Variants in IDS observed in about 807,000 individuals in gnomAD.
The protein encoded by IDS is iduronate 2-sulfatase, also known as alpha-L-iduronate sulfate sulfatase.
Under a neutral mutation model 33.5 loss-of-function variants are expected in IDS, and 1 was observed. The observed-to-expected ratio is 0.03, with a 90% confidence interval of 0.01 to 0.14. The LOEUF is 0.14. IDS is among the 10% of genes least tolerant of loss of function. IDS has a pLI of 1.00. For missense variants in IDS, 328 were observed against 448.0 expected (o/e 0.73, Z 2.42); for synonymous variants, 191 against 184.4 (o/e 1.04, Z -0.29).
In IDS at chrX:149,482,682, C is replaced by G. The variant is rs2089302064; in HGVS notation, c.*64G>C. The stretch of plus-strand genomic sequence containing the variant: ...ATGGGTAATCACAAAACGACCAGCT[C>G]TAACTCCTCCTCTCACCAGCTGGAA... On this transcript the variant is annotated 3_prime_UTR_variant, in exon 9 of 9. Transcript: ENST00000340855. The G allele has an allele frequency of 8.3e-7, 1 of 1,205,657 alleles. No homozygotes were observed. The highest frequency in any genetic ancestry group is 1.1e-6 in the Non-Finnish European group (1 of 893,382).
intron 6 of IDS, among the ~76,000 whole-genome samples, chrX:149,493,979 G>A (rs1557339034): frequency 9.0e-6 from 1 of 111,461 alleles, no homozygotes. Flanking sequence ...GGCCTGGAGG[G>A]GAGCAGTGAA....
intron 7 of IDS, 103 bp downstream of exon 7, chrX:149,490,210 CA>C (rs1300958643): frequency 1.2e-6 from 1 of 858,278 alleles, no homozygotes; most frequent in African/African-American, 2.1e-5. Context: ...CACTGGTTCA[CA>C]AAAGAGAACA....
chrX:149,504,222 C>A lies in IDS; in HGVS notation c.175G>T (p.Val59Leu). 8.3e-7 allele frequency: 1 copy of A among 1,207,617 alleles called. No individual in the cohort carries two copies. Among genetic ancestry groups the A allele is most frequent in the Non-Finnish European group, 1.1e-6 (1 of 892,353 alleles). Reference sequence around the variant, plus strand: ...AGTTGGTCAATATTTGGGGACCTCACCAGCTTATCCCCATAACAGCCCAGG... The same window carrying A: ...AGTTGGTCAATATTTGGGGACCTCAACAGCTTATCCCCATAACAGCCCAGG... ...PSLGCYGDKLVRSPNIDQLAS... is the reference protein window; with the variant it reads ...PSLGCYGDKLLRSPNIDQLAS... Residue 59 changes from valine to leucine, a missense_variant, in exon 2 of 9, where the codon GTG becomes TTG. By Grantham distance (32) the Val-to-Leu change is conservative (BLOSUM62 1). Coordinates refer to ENST00000340855, the MANE Select transcript of IDS (RefSeq NM_000202.8).
At chrX:149,488,528 C>A (rs1346770007) in intron 7 of IDS, among the ~76,000 whole-genome samples, 2 of 108,761 alleles carry the variant, frequency 1.8e-5, no homozygotes, top group Non-Finnish European at 1.9e-5. Context: ...GTACAGCAGC[C>A]AGGCGCTCTG....
intron 6 of IDS, among the ~76,000 whole-genome samples, chrX:149,493,047 G>A (rs5936189): frequency 0.3 from 33,078 of 110,964 alleles, 4,140 homozygotes; most frequent in Middle Eastern, 0.4. Flanking sequence ...GAAGCCTATG[G>A]AGCTGAGGTC....
intron 3 of IDS, 83 bp from the exon 4 acceptor site, chrX:149,501,120 G>A (rs2089477226): frequency 6.4e-6 from 4 of 629,815 alleles, no homozygotes; most frequent in Non-Finnish European, 1.0e-5. Flanking sequence ...TAAACAAATG[G>A]GCAAGTGGAA....
chrX:149,501,797 C>T (rs1557340016), intron 3 of IDS, among the ~76,000 whole-genome samples: 1 of 110,988 alleles, frequency 9.0e-6, no homozygotes, highest in Non-Finnish European at 1.9e-5. Flanking sequence ...AGTGGGACTC[C>T]CATAGGGAGT....
In IDS at chrX:149,482,429, G is replaced by A. The variant is rs189108448; in HGVS notation, c.*317C>T. On this transcript the variant is annotated 3_prime_UTR_variant, in exon 9 of 9. Transcript: ENST00000340855. ...ATGTTATGTTTGGTTATTATGTATG[G>A]TCTTCGTATCCAAAGGTATGACATA... 1.5e-4 allele frequency: 41 copies of A among 267,440 alleles called. No homozygotes were observed. The highest frequency in any genetic ancestry group is 9.4e-4 in the African/African-American group (34 of 36,014). The allele number at this position is 267,440 out of a possible 1,213,427, so 22.0% of individuals were successfully genotyped here.
chrX:149,498,173 C>T lies in IDS; in HGVS notation c.642G>A (p.Thr214=), dbSNP rs1738744298. 1.3e-5 allele frequency: 16 copies of T among 1,210,246 alleles called. No homozygotes were observed. Among genetic ancestry groups the T allele is most frequent in the South Asian group, 1.8e-5 (1 of 56,856 alleles). ...CGGCCAGGAAGAAAGGACTGGCTGA[C>T]GTTTTCATCTTTTCCAACAACTGTA... The part of the protein sequence containing the change: ...QAIQLLEKMK[T]SASPFFLAVG... Residue 214 remains threonine, a synonymous_variant, in exon 5 of 9, where the codon ACG becomes ACA. Coordinates refer to ENST00000340855, the MANE Select transcript of IDS (RefSeq NM_000202.8).
chrX:149,501,844 G>A (rs949927287), intron 3 of IDS, among the ~76,000 whole-genome samples: 9 of 111,688 alleles, frequency 8.1e-5, no homozygotes, highest in South Asian at 3.7e-4. Flanking sequence ...AGAGGGCAGC[G>A]GGTGGAGGGC....
intron 5 of IDS, among the ~76,000 whole-genome samples, chrX:149,496,955 G>C (rs945033962): frequency 2.7e-5 from 3 of 112,073 alleles, no homozygotes; most frequent in Non-Finnish European, 5.6e-5. Context: ...AAGAAAAAAG[G>C]CACATGAGGC....
intron 1 of IDS, 107 bp downstream of exon 1, chrX:149,504,928 G>A (rs1300227258): frequency 5.2e-6 from 3 of 573,615 alleles, no homozygotes; most frequent in Admixed American, 2.7e-5. Flanking sequence ...GTAGGAGAGA[G>A]GAAGGGTAAA....
rs2089278710 is a variant in IDS, at chrX:149,478,587, A to G, written c.*4159T>C. ...GCTAAATATGTCCATATCTGCATAT[A>G]TGTCTTTAGGCAGGTAAAAGAATGA... On this transcript the variant is annotated 3_prime_UTR_variant, in exon 9 of 9. Coordinates refer to ENST00000340855, the MANE Select transcript of IDS (RefSeq NM_000202.8). 1 of 112,828 alleles carries G rather than the reference A, an allele frequency of 8.9e-6. No individual in the cohort carries two copies. Among genetic ancestry groups the G allele is most frequent in the Non-Finnish European group, 1.9e-5 (1 of 53,398 alleles). 9.3% of individuals were successfully genotyped at this position (112,828 alleles called of 1,213,427 possible).
chrX:149,502,174 A>G (rs1557340078), intron 3 of IDS: 1 of 330,660 alleles, frequency 3.0e-6, no homozygotes, highest in Non-Finnish European at 5.9e-6. Context: ...TGTTCCCACA[A>G]GGGCTGCAGG....
intron 6 of IDS, among the ~76,000 whole-genome samples, chrX:149,492,728 C>A (rs1326472471): frequency 9.0e-6 from 1 of 110,636 alleles, no homozygotes; most frequent in Non-Finnish European, 1.9e-5. Context: ...GGTACTAGGC[C>A]ACTGCTGGGT....
At position 149,503,248 on chromosome X, in the gene IDS, A is replaced by T. The variant is rs781810319; in HGVS notation, c.418+64T>A. The T allele has an allele frequency of 9.3e-6, 11 of 1,179,503 alleles. No individual in the cohort carries two copies. The East Asian group carries it at 3.4e-4, about 37-fold the overall frequency. ...CTGCAAAGACAGCCCCATCCCCAGG[A>T]TGGGAATGCTGGATTCAGACACCAC... On this transcript the variant is annotated intron_variant, in intron 3 of 8. Coordinates refer to ENST00000340855, the MANE Select transcript of IDS (RefSeq NM_000202.8).
At chrX:149,503,269 A>G in intron 3 of IDS, 43 bp downstream of exon 3, 1 of 1,196,888 alleles carries the variant, frequency 8.4e-7, no homozygotes, top group Non-Finnish European at 1.1e-6. Flanking sequence ...GGATTCAGAC[A>G]CCACAAACCA....
rs915009549 is a variant in IDS at position 149,497,711 on chromosome X, G to A, written c.708+396C>T. On this transcript the variant is annotated intron_variant, in intron 5 of 8. Coordinates refer to ENST00000340855, the MANE Select transcript of IDS (RefSeq NM_000202.8). Reference sequence around the variant, plus strand: ...TAGATGATCTAACCTGACAGGCTCAGGGGGAACAGGCAGTTTTTGAAGAGA... The same window carrying A: ...TAGATGATCTAACCTGACAGGCTCAAGGGGAACAGGCAGTTTTTGAAGAGA... Among the ~76,000 whole-genome samples the A allele has an allele frequency of 2.1e-4, 24 of 112,412 alleles. No homozygotes were observed. In the Admixed American group the frequency reaches 2.3e-3, roughly 11 times the overall value.
At chrX:149,489,259 T>C (rs144570662) in intron 7 of IDS, among the ~76,000 whole-genome samples, 46 of 112,814 alleles carry the variant, frequency 4.1e-4, no homozygotes, top group Non-Finnish European at 7.5e-4. Flanking sequence ...TTCTGAGAAA[T>C]GACACAGAGA....
Sources: gnomAD v4.1 joint callset for allele counts (sites outside exome capture counted in the v4.1 genomes callset) on GRCh38, gnomAD v4.1.1 for gene constraint, MANE v1.5 for transcripts, NCBI Gene and HGNC (gene_info 2026-07-23, HGNC 2026-07-21) for gene names.